The following ANO3 variants were observed in gnomAD, a reference collection of about 807,000 sequenced individuals.
ANO3 encodes anoctamin 3.
In ANO3, 99 loss-of-function variants were observed where a neutral mutation model predicts 144.8. The observed-to-expected ratio is 0.68, with a 90% CI of 0.58 to 0.81. ANO3 has a LOEUF of 0.81. Ranked by LOEUF, ANO3 falls within the 30% of genes least tolerant of loss-of-function variation. The probability of loss-of-function intolerance (pLI) is 0.00; values close to 1 mark genes in which losing one functional copy is unlikely to be tolerated. For missense variants in ANO3, 905 were observed against 1,202.2 expected, an observed-to-expected ratio of 0.75 and a Z score of 3.66; for synonymous variants, 414 against 392.6, an observed-to-expected ratio of 1.05 and a Z score of -0.64.
At chr11:26,338,619 C>A (rs2350210) in intron 1 of ANO3, among the ~76,000 whole-genome samples, 3 of 152,114 alleles carry the variant, frequency 2.0e-5, no homozygotes, top group Non-Finnish European at 2.9e-5. Flanking sequence ...TCTTTGGGTC[C>A]GCACTACCTT....
At chr11:26,422,184 G>C (rs1857771511) in intron 1 of ANO3, among the ~76,000 whole-genome samples, 1 of 151,988 alleles carries the variant, frequency 6.6e-6, no homozygotes, top group African/African-American at 2.4e-5. Context: ...TTCTTGATGA[G>C]AAATTTTACT....
At chr11:26,299,404 T>C (rs2133861185) in intron 1 of ANO3, among the ~76,000 whole-genome samples, 1 of 152,288 alleles carries the variant, frequency 6.6e-6, no homozygotes, top group East Asian at 1.9e-4. Flanking sequence ...ATAAATACTG[T>C]AGAGGATTTT....
At chr11:26,382,456 T>G (rs1030808082) in intron 1 of ANO3, among the ~76,000 whole-genome samples, 1 of 152,124 alleles carries the variant, frequency 6.6e-6, no homozygotes, top group Non-Finnish European at 1.5e-5. Context: ...TCCTCCCTCA[T>G]CCACCCACTC....
At chr11:26,380,514 A>G (rs946311435) in intron 1 of ANO3, among the ~76,000 whole-genome samples, 4 of 152,148 alleles carry the variant, frequency 2.6e-5, no homozygotes, top group Admixed American at 6.6e-5. Context: ...CATTCCTCAG[A>G]GATGATGCCT....
intron 6 of ANO3, among the ~76,000 whole-genome samples, chr11:26,524,623 G>A (rs142119937): frequency 1.2e-3 from 181 of 152,194 alleles, no homozygotes; most frequent in African/African-American, 3.8e-3. Flanking sequence ...GCTCCAACAT[G>A]AGCATGTAGA....
At chr11:26,478,275 T>C (rs761638088) in intron 4 of ANO3, among the ~76,000 whole-genome samples, 20 of 152,164 alleles carry the variant, frequency 1.3e-4, no homozygotes, top group Non-Finnish European at 8.8e-5. Flanking sequence ...CAGTATCTCA[T>C]AACCTTGATC....
intron 4 of ANO3, 65 bp from the exon 5 acceptor site, chr11:26,508,039 A>T: frequency 7.0e-7 from 1 of 1,429,198 alleles, no homozygotes; most frequent in Non-Finnish European, 9.4e-7. Context: ...AAATGGCAGT[A>T]ACTGTAACTA....
intron 1 of ANO3, among the ~76,000 whole-genome samples, chr11:26,232,704 T>C (rs911472746): frequency 6.6e-6 from 1 of 152,068 alleles, no homozygotes; most frequent in Non-Finnish European, 1.5e-5. Context: ...GGCAATACCA[T>C]TCAGGACATA....
intron 4 of ANO3, among the ~76,000 whole-genome samples, 157 bp downstream of exon 4, chr11:26,463,305 G>A (rs924325402): frequency 1.5e-4 from 23 of 151,792 alleles, no homozygotes; most frequent in African/African-American, 4.8e-4. Flanking sequence ...GTTGTATATA[G>A]AGTTGATATT....
At chr11:26,302,221 G>C (rs981074120) in intron 1 of ANO3, among the ~76,000 whole-genome samples, 2 of 152,202 alleles carry the variant, frequency 1.3e-5, no homozygotes, top group African/African-American at 2.4e-5. Flanking sequence ...TGATGGCCAG[G>C]TGCGGTGGCT....
chr11:26,226,474 A>G (rs554995019), intron 1 of ANO3, among the ~76,000 whole-genome samples: 165 of 152,248 alleles, frequency 1.1e-3, no homozygotes, highest in African/African-American at 3.8e-3. Context: ...TTACCAGTCT[A>G]ACCCATCTAG....
intron 14 of ANO3, 94 bp downstream of exon 14, chr11:26,559,873 CA>C: frequency 1.3e-6 from 1 of 760,778 alleles, no homozygotes. Flanking sequence ...CACACACACA[CA>C]CCATGAATCA....
chr11:26,424,819 T>G (rs1372208556), intron 1 of ANO3, among the ~76,000 whole-genome samples: 1 of 152,070 alleles, frequency 6.6e-6, no homozygotes, highest in Non-Finnish European at 1.5e-5. Flanking sequence ...TAAGGGGAAC[T>G]GTATGGTGTT....
chr11:26,598,954 A>ACT lies in ANO3; in HGVS notation c.1627_1628insCT (p.Lys543ThrfsTer16). The ACT allele has an allele frequency of 6.2e-7, 1 of 1,614,030 alleles. No homozygotes were observed. The highest frequency in any genetic ancestry group is 8.5e-7 in the Non-Finnish European group (1 of 1,179,940). On this transcript the variant is annotated frameshift_variant, in exon 16 of 27. Coordinates refer to ENST00000256737, the MANE Select transcript of ANO3 (RefSeq NM_031418.4). LOFTEE classifies it high-confidence loss of function. ...TGAACCACATCAGCCTTCCTCAGAC[A>ACT]AAGTCACTCGTCTTCTTGTTTCTGT...
chr11:26,505,814 T>TA (rs1861404115), intron 4 of ANO3, among the ~76,000 whole-genome samples: 1 of 146,324 alleles, frequency 6.8e-6, no homozygotes. Flanking sequence ...CTACTAAAAA[T>TA]CCAAAAAATA....
chr11:26,545,063 T>C (rs1170200401), intron 11 of ANO3, among the ~76,000 whole-genome samples: 1 of 152,006 alleles, frequency 6.6e-6, no homozygotes, highest in African/African-American at 2.4e-5. Context: ...TATTTATGCA[T>C]AGCATTTTCT....
chr11:26,375,572 G>A (rs1036373171), intron 1 of ANO3, among the ~76,000 whole-genome samples: 4 of 152,134 alleles, frequency 2.6e-5, no homozygotes, highest in African/African-American at 9.7e-5. Context: ...CAAACAATGG[G>A]AGATTCAGCA....
chr11:26,478,412 A>G (rs938305398), intron 4 of ANO3, among the ~76,000 whole-genome samples: 3 of 152,130 alleles, frequency 2.0e-5, no homozygotes, highest in Non-Finnish European at 4.4e-5. Flanking sequence ...GTAGAGATAT[A>G]TGGTGGATTT....
Position 26,464,835 on chromosome 11 carries a change from T to C in ANO3, c.432+1687T>C, listed in dbSNP as rs1859539718. Among the ~76,000 whole-genome samples, 3 of 151,890 alleles carry C rather than the reference T, an allele frequency of 2.0e-5. No homozygotes were observed. In the South Asian group the frequency reaches 6.2e-4, roughly 31 times the overall value. On this transcript the variant is annotated intron_variant, in intron 4 of 26. Coordinates refer to ENST00000256737, the MANE Select transcript of ANO3 (RefSeq NM_031418.4). Reference sequence around the variant, plus strand: ...GACACACCGGAGTGACTTGTTCTTCTAGCTTCTATTAAAATGTGTCCACTT... The same window carrying C: ...GACACACCGGAGTGACTTGTTCTTCCAGCTTCTATTAAAATGTGTCCACTT...
Sources: allele counts gnomAD v4.1 joint callset (sites outside exome capture counted in the v4.1 genomes callset), GRCh38; gene constraint gnomAD v4.1.1; transcripts MANE v1.5; gene names NCBI Gene and HGNC (gene_info 2026-07-23, HGNC 2026-07-21).